Variants in BRPF3 observed in about 807,000 individuals in gnomAD.
BRPF3 encodes bromodomain and PHD finger-containing protein 3.
Under a neutral mutation model 102.0 loss-of-function variants are expected in BRPF3, and 18 were observed. The observed-to-expected ratio is 0.18, with a 90% CI of 0.12 to 0.26. The LOEUF is 0.26. BRPF3 is among the 10% of genes least tolerant of loss of function. BRPF3 has a pLI of 1.00. For synonymous variants in BRPF3, 570 were observed against 614.2 expected (o/e 0.93, Z 1.06); for missense variants, 1,147 against 1,567.8 (o/e 0.73, Z 4.53).
Position 36,213,967 on chromosome 6 carries a change from C to G in BRPF3, c.2570C>G (p.Pro857Arg). Residue 857 changes from proline (P) to arginine (R), a missense_variant, in exon 8 of 13, where the codon CCT (proline) becomes CGT (arginine). Around this residue, in one of 11 missense-constraint regions of BRPF3, gnomAD observed 379 missense variants for 426.3 expected, o/e 0.89. Transcript: ENST00000357641. The part of the protein sequence containing the change: ...LSEQESPPEP[P>R]TLKPINDSKP... ...GAGCAAGAATCCCCCCCGGAGCCCCCTACTCTGAAACCCATTAATGATAGC... is the reference window on the plus strand; with the variant it reads ...GAGCAAGAATCCCCCCCGGAGCCCCGTACTCTGAAACCCATTAATGATAGC... The G allele has an allele frequency of 6.2e-7, 1 of 1,614,054 alleles. No homozygotes were observed. Among genetic ancestry groups the G allele is most frequent in the East Asian group, 2.2e-5 (1 of 44,866 alleles).
chr6:36,220,827 T>C (rs1768508418), intron 9 of BRPF3, among the ~76,000 whole-genome samples: 1 of 152,202 alleles, frequency 6.6e-6, no homozygotes, highest in Non-Finnish European at 1.5e-5. Flanking sequence ...TTATGATTCA[T>C]TGGGTTTTGG....
At chr6:36,225,463 G>A in intron 11 of BRPF3, 99 bp downstream of exon 11, 1 of 1,087,900 alleles carries the variant, frequency 9.2e-7, no homozygotes, top group Non-Finnish European at 1.3e-6. Flanking sequence ...GAGTCAGAGT[G>A]TCTTTAGCTG....
rs373444225 is a variant in BRPF3 at position 36,201,564 on chromosome 6, G to C, written c.1242G>C (p.Lys414Asn). The change falls in exon 2 of 13, where the codon AAG becomes AAC. Residue 414 changes from lysine to asparagine, a missense_variant. Lys to Asn is a moderately conservative substitution (Grantham distance 94). This residue lies in a region of BRPF3 where 157 missense variants were observed against 163.6 expected (regional missense o/e 0.96). Coordinates refer to ENST00000357641, the MANE Select transcript of BRPF3 (RefSeq NM_015695.3). This position sits in a 1 kb window ranked among gnomAD's most constrained non-coding sequence, Gnocchi z 5.1. ...ISETGDEEGL[K>N]EGDGEEEEEE... ...AGACTGGCGATGAGGAAGGGCTGAA[G>C]GAGGGTGATGGAGAGGAGGAAGAAG... 2.5e-6 allele frequency: 4 copies of C among 1,614,006 alleles called. No homozygotes were observed. Among genetic ancestry groups the C allele is most frequent in the Non-Finnish European group, 2.5e-6 (3 of 1,179,920 alleles).
At chr6:36,204,850 G>A in intron 3 of BRPF3, 36 bp downstream of exon 3, 2 of 1,602,204 alleles carry the variant, frequency 1.2e-6, no homozygotes, top group Non-Finnish European at 1.7e-6. Flanking sequence ...GGTAGAGGGA[G>A]GTGGAGAGTG....
chr6:36,214,305 C>T lies in BRPF3; in HGVS notation c.2908C>T (p.Arg970Cys), dbSNP rs749165206. ...CTCTCCAGCCAGCATCGAGGAAGAG[C>T]GCCACTCCCGGAAGCGGCCAAGGAG... ...PASPASIEEE[R>C]HSRKRPRSRS... The change falls in exon 8 of 13, where the codon CGC becomes TGC. Residue 970 changes from arginine (R) to cysteine (C), a missense_variant. Arg to Cys is a radical substitution (Grantham distance 180). Around this residue, in one of 11 missense-constraint regions of BRPF3, gnomAD observed 379 missense variants for 426.3 expected, o/e 0.89. Transcript: ENST00000357641. The T allele has an allele frequency of 6.8e-6, 11 of 1,613,708 alleles. No individual in the cohort carries two copies. Among genetic ancestry groups the T allele is most frequent in the Admixed American group, 3.3e-5 (2 of 60,002 alleles).
At chr6:36,223,590 C>G (rs1189052378) in intron 10 of BRPF3, among the ~76,000 whole-genome samples, 2 of 152,180 alleles carry the variant, frequency 1.3e-5, no homozygotes, top group Admixed American at 1.3e-4. Context: ...AACACATGCA[C>G]TTTTGTATTC....
rs769412776 is a variant in BRPF3 at position 36,210,186 on chromosome 6, GTTGTAA to G, written c.1867-24_1867-19del. 6.2e-7 allele frequency: 1 copy of G among 1,611,138 alleles called. No individual in the cohort carries two copies. On this transcript the variant is annotated intron_variant, in intron 5 of 12. Coordinates refer to ENST00000357641, the MANE Select transcript of BRPF3 (RefSeq NM_015695.3). The surrounding 1 kb of genome is among the most constrained non-coding windows in gnomAD (Gnocchi z 4.7). ...GTGTCTGTTTGGCTAGTAAATGGTT[GTTGTAA>G]TTGTACAGGTTTTATATGTTTAGGT... is the stretch of plus-strand genomic sequence containing the variant.
At chr6:36,214,485 C>A in intron 8 of BRPF3, 99 bp downstream of exon 8, 1 of 1,365,178 alleles carries the variant, frequency 7.3e-7, no homozygotes, top group Non-Finnish European at 9.7e-7. Context: ...TCTAATGGCA[C>A]CATTGGACAG....
At chr6:36,218,978 A>G (rs1768432690) in intron 9 of BRPF3, among the ~76,000 whole-genome samples, 1 of 152,184 alleles carries the variant, frequency 6.6e-6, no homozygotes, top group Non-Finnish European at 1.5e-5. Context: ...AGAAACCCTC[A>G]CTGCCACAAA....
At chr6:36,217,516 C>T (rs1768371290) in intron 8 of BRPF3, among the ~76,000 whole-genome samples, 1 of 152,026 alleles carries the variant, frequency 6.6e-6, no homozygotes, top group Non-Finnish European at 1.5e-5. Flanking sequence ...TGGTTGGGCT[C>T]CTGAAAAAGG....
chr6:36,214,334 G>A lies in BRPF3; in HGVS notation c.2937G>A (p.Arg979=), dbSNP rs1768249313. Residue 979 remains arginine (R), a synonymous_variant, in exon 8 of 13, where the codon AGG becomes AGA. Transcript: ENST00000357641. ...ACTCCCGGAAGCGGCCAAGGAGCAG[G>A]AGCTGTAGTGAGAGCGAAGGGGAGA... ...ERHSRKRPRS[R]SCSESEGERS... The A allele has an allele frequency of 6.2e-7, 1 of 1,612,072 alleles. No homozygotes were observed. Among genetic ancestry groups the A allele is most frequent in the Non-Finnish European group, 8.5e-7 (1 of 1,179,386 alleles).
intron 7 of BRPF3, among the ~76,000 whole-genome samples, chr6:36,212,821 C>T (rs900870782): frequency 5.3e-5 from 8 of 151,920 alleles, no homozygotes; most frequent in East Asian, 1.9e-4. Context: ...GGCGCGGTGG[C>T]GGGCGCCTGT....
intron 10 of BRPF3, among the ~76,000 whole-genome samples, chr6:36,223,859 G>T (rs1193202916): frequency 1.3e-5 from 2 of 152,038 alleles, no homozygotes; most frequent in African/African-American, 4.8e-5. Context: ...GGAACAGGTG[G>T]TTCATACATT....
chr6:36,211,063 C>G, intron 6 of BRPF3, 195 bp from the exon 7 acceptor site: 1 of 635,158 alleles, frequency 1.6e-6, no homozygotes, highest in Non-Finnish European at 2.7e-6. Flanking sequence ...AGACGTTTCC[C>G]AGATTCTGAC....
chr6:36,197,218 C>G (rs1343430141), intron 1 of BRPF3: 2 of 151,574 alleles, frequency 1.3e-5, no homozygotes, highest in African/African-American at 4.9e-5. Context: ...CCCTGGATTC[C>G]GAGCCGCTAA....
Position 36,210,106 on chromosome 6 carries a change from T to C in BRPF3, c.1867-110T>C. Reference sequence around the variant, plus strand: ...GGGCCAGGACTGTAGGTCTTTGAGTTAGCCTGGCATGGCCAAATCAGAAAT... The same window carrying C: ...GGGCCAGGACTGTAGGTCTTTGAGTCAGCCTGGCATGGCCAAATCAGAAAT... On this transcript the variant is annotated intron_variant, in intron 5 of 12. Transcript: ENST00000357641. The surrounding 1 kb of genome is among the most constrained non-coding windows in gnomAD (Gnocchi z 4.7). The C allele has an allele frequency of 1.4e-6, 2 of 1,460,194 alleles. No homozygotes were observed. The highest frequency in any genetic ancestry group is 2.4e-5 in the South Asian group (2 of 84,444). 90.5% of individuals were successfully genotyped at this position (1,460,194 alleles called of 1,614,324 possible).
intron 7 of BRPF3, 162 bp from the exon 8 acceptor site, chr6:36,213,718 A>C: frequency 2.5e-6 from 2 of 786,796 alleles, no homozygotes; most frequent in South Asian, 1.9e-5. Context: ...AAAAAAAAAA[A>C]CCTAATCCTC....
chr6:36,228,439 C>A (rs1488155836), intron 11 of BRPF3, among the ~76,000 whole-genome samples: 36 of 152,292 alleles, frequency 2.4e-4, no homozygotes, highest in East Asian at 1.9e-4. Context: ...ACATCATACC[C>A]CCCTCTCCAT....
chr6:36,226,937 A>G lies in BRPF3; in HGVS notation c.3279+1573A>G, dbSNP rs141692274. Among the ~76,000 whole-genome samples, 195 of 152,384 alleles carry G rather than the reference A, an allele frequency of 1.3e-3. 1 individual carries two copies. The highest frequency in any genetic ancestry group is 4.5e-3 in the African/African-American group (188 of 41,594). On this transcript the variant is annotated intron_variant, in intron 11 of 12. Coordinates refer to ENST00000357641, the MANE Select transcript of BRPF3 (RefSeq NM_015695.3). ...GGACTCCCAGCTCAGTCATTAAAGA[A>G]GTGATTAAGCTGTGCAGGTTTGGAT...
Sources: allele counts gnomAD v4.1 joint callset (sites outside exome capture counted in the v4.1 genomes callset), GRCh38; gene constraint gnomAD v4.1.1; regional missense constraint gnomAD v4.1.1; non-coding constraint Gnocchi (gnomAD v3.1); transcripts MANE v1.5; gene names NCBI Gene and HGNC (gene_info 2026-07-23, HGNC 2026-07-21).